The following NBPF11 variants were observed in gnomAD, a reference collection of about 807,000 sequenced individuals.
NBPF11 encodes NBPF family member NBPF11.
In NBPF11, 72 loss-of-function variants were observed where a neutral mutation model predicts 93.9. The ratio of observed to expected loss-of-function variants is 0.77; its 90% CI spans 0.63 to 0.93. The LOEUF (loss-of-function observed/expected upper bound fraction) is 0.93, where lower values mean the gene tolerates loss of function less well. NBPF11 is among the 40% of genes least tolerant of loss of function. NBPF11 has a pLI of 0.00. For missense variants in NBPF11, 705 were observed against 802.2 expected, an observed-to-expected ratio of 0.88 and a Z score of 1.46; for synonymous variants, 224 against 304.9, an observed-to-expected ratio of 0.73 and a Z score of 2.76.
At chr1:148,114,329 C>G (rs1665975566) in intron 15 of NBPF11, 108 bp downstream of exon 15, 1 of 666,698 alleles carries the variant, frequency 1.5e-6, no homozygotes, top group Non-Finnish European at 2.7e-6. Flanking sequence ...CAATTTGTAG[C>G]TGGGTGAATG....
chr1:148,103,973 C>T (rs1361079912), intron 23 of NBPF11, 61 bp from the exon 24 acceptor site: 52 of 1,609,498 alleles, frequency 3.2e-5, no homozygotes, highest in East Asian at 1.1e-4. Context: ...CAGAGCCCCA[C>T]TAGATTTCAG....
chr1:148,130,527 G>A lies in NBPF11; in HGVS notation c.-35-3489C>T, dbSNP rs1306164019. ...TTAGGGGCCTCGTACCTGCTTCATT[G>A]CATGTATTGTTAAGCATGTAATGAT... On this transcript the variant is annotated intron_variant, in intron 4 of 23. Transcript: ENST00000682118. 1.4e-4 allele frequency among the ~76,000 whole-genome samples: 22 copies of A among 151,802 alleles called. No homozygotes were observed. The East Asian group carries it at 2.7e-3, about 19-fold the overall frequency.
At chr1:148,131,259 C>T (rs1306072391) in intron 4 of NBPF11, among the ~76,000 whole-genome samples, 2 of 150,202 alleles carry the variant, frequency 1.3e-5, no homozygotes, top group African/African-American at 4.9e-5. Context: ...GGCCTTAAAG[C>T]ATGACGAAAT....
chr1:148,116,682 C>G (rs1238264906), intron 12 of NBPF11, 147 bp from the exon 13 acceptor site: 3 of 595,188 alleles, frequency 5.0e-6, no homozygotes, highest in Non-Finnish European at 9.0e-6. Flanking sequence ...ACAGAATGCC[C>G]TGGCATGGTT....
At chr1:148,116,679 G>T (rs1250211854) in intron 12 of NBPF11, 144 bp from the exon 13 acceptor site, 2 of 593,556 alleles carry the variant, frequency 3.4e-6, no homozygotes, top group African/African-American at 1.9e-5. Context: ...TTAACAGAAT[G>T]CCCTGGCATG....
rs1672481923 is a variant in NBPF11 at position 148,143,243 on chromosome 1, C to T, written c.-277+172G>A. The stretch of plus-strand genomic sequence containing the variant: ...ATGGCACTGCAAGTCCAGGGCGGCA[C>T]ACGCTGTGAATATTTGTTCATTCAT... On this transcript the variant is annotated intron_variant, in intron 2 of 23. Transcript: ENST00000682118. 5.3e-5 allele frequency among the ~76,000 whole-genome samples: 8 copies of T among 152,172 alleles called. No individual in the cohort carries two copies. The South Asian group carries it at 6.2e-4, about 12-fold the overall frequency.
chr1:148,117,005 G>A (rs1326402354), intron 12 of NBPF11, among the ~76,000 whole-genome samples: 1 of 152,182 alleles, frequency 6.6e-6, no homozygotes, highest in African/African-American at 2.4e-5. Context: ...TCCATGGGGA[G>A]TGCTCCAGTC....
chr1:148,106,371 G>A (rs1663617812), intron 20 of NBPF11, 139 bp from the exon 21 acceptor site: 6 of 693,514 alleles, frequency 8.7e-6, no homozygotes, highest in Non-Finnish European at 1.6e-5. Flanking sequence ...ACTTCAGGAG[G>A]CCTGAAAGCT....
At chr1:148,120,020 T>A (rs1309566803) in intron 10 of NBPF11, among the ~76,000 whole-genome samples, 5 of 151,772 alleles carry the variant, frequency 3.3e-5, no homozygotes, top group African/African-American at 9.7e-5. Flanking sequence ...AGACTCCTCT[T>A]GAAGCCCCTC....
intron 1 of NBPF11, among the ~76,000 whole-genome samples, chr1:148,145,635 C>A (rs1235041484): frequency 6.6e-6 from 1 of 151,652 alleles, no homozygotes; most frequent in Non-Finnish European, 1.5e-5. Context: ...AATCCCAACA[C>A]TTTGGGAGGC....
At position 148,105,467 on chromosome 1, in the gene NBPF11, T is replaced by C; in HGVS notation, c.2365A>G (p.Ile789Val). 1 of 1,134,598 alleles carries C rather than the reference T, an allele frequency of 8.8e-7. No individual in the cohort carries two copies. Among genetic ancestry groups the C allele is most frequent in the South Asian group, 1.3e-5 (1 of 76,502 alleles). 70.3% of individuals were successfully genotyped at this position (1,134,598 alleles called of 1,614,324 possible). A position where few individuals can be genotyped will look rare whatever the true frequency, so the allele number is the denominator to read the frequency against. The change falls in exon 22 of 24, where the codon ATT (isoleucine) becomes GTT (valine). Residue 789 changes from isoleucine (I) to valine (V), a missense_variant. Around this residue, in one of 12 missense-constraint regions of NBPF11, gnomAD observed 109 missense variants for 83.3 expected, o/e 1.31. Transcript: ENST00000682118. ...TTCAAGACAACTGGAAGGAGTTGAATAACATCCAGTGAGTCCTGCAAGACT... is the reference window on the plus strand; with the variant it reads ...TTCAAGACAACTGGAAGGAGTTGAACAACATCCAGTGAGTCCTGCAAGACT... Reference protein sequence around the residue: ...PEVLQDSLDVIQLLPVVLNSL... With the variant: ...PEVLQDSLDVVQLLPVVLNSL...
chr1:148,138,496 T>A (rs1362485479), intron 2 of NBPF11, among the ~76,000 whole-genome samples: 3 of 151,800 alleles, frequency 2.0e-5, no homozygotes, highest in Admixed American at 1.3e-4. Flanking sequence ...TAGGCAGAGG[T>A]CCCTGCAGTC....
At chr1:148,108,142 A>G (rs1664222804) in intron 18 of NBPF11, among the ~76,000 whole-genome samples, 1 of 148,084 alleles carries the variant, frequency 6.8e-6, no homozygotes, top group African/African-American at 2.5e-5. Context: ...AGGATTTTAG[A>G]TGCTGAAAGT....
intron 20 of NBPF11, among the ~76,000 whole-genome samples, 188 bp downstream of exon 20, chr1:148,106,754 G>T (rs1386631992): frequency 6.7e-6 from 1 of 148,484 alleles, no homozygotes; most frequent in African/African-American, 2.6e-5. Context: ...ATAGAGCCTT[G>T]CTCACTGACC....
intron 7 of NBPF11, 62 bp from the exon 8 acceptor site, chr1:148,122,863 C>G: frequency 1.9e-6 from 3 of 1,606,894 alleles, no homozygotes; most frequent in Non-Finnish European, 2.6e-6. Flanking sequence ...CACAGTCAGC[C>G]CAACGTGCAC....
chr1:148,125,185 T>C (rs1454528893), intron 5 of NBPF11, among the ~76,000 whole-genome samples, 184 bp from the exon 6 acceptor site: 1 of 151,946 alleles, frequency 6.6e-6, no homozygotes, highest in Non-Finnish European at 1.5e-5. Flanking sequence ...TCCTCCAAAA[T>C]TTAAAGACGA....
intron 2 of NBPF11, among the ~76,000 whole-genome samples, chr1:148,142,579 C>A (rs1449286956): frequency 2.0e-4 from 31 of 152,180 alleles, no homozygotes; most frequent in African/African-American, 7.5e-4. Flanking sequence ...TGCACTGGCT[C>A]CCACTCCCCC....
intron 8 of NBPF11, 48 bp from the exon 9 acceptor site, chr1:148,122,314 G>A: frequency 1.2e-6 from 2 of 1,610,190 alleles, no homozygotes; most frequent in South Asian, 2.2e-5. Flanking sequence ...AACACAGAGG[G>A]ATTGGACCCC....
intron 8 of NBPF11, 106 bp from the exon 9 acceptor site, chr1:148,122,372 A>C (rs1175190740): frequency 1.3e-6 from 2 of 1,571,318 alleles, no homozygotes; most frequent in South Asian, 2.2e-5. Context: ...GAGTGGTCCC[A>C]GAAAACAAAT....
Sources: gnomAD v4.1 joint callset for allele counts (sites outside exome capture counted in the v4.1 genomes callset) on GRCh38, gnomAD v4.1.1 for gene constraint, gnomAD v4.1.1 regional missense constraint, MANE v1.5 for transcripts, NCBI Gene and HGNC (gene_info 2026-07-23, HGNC 2026-07-21) for gene names.